Variants in GPM6A observed in about 807,000 individuals in gnomAD.
GPM6A encodes the protein glycoprotein M6A.
A neutral mutation model predicts 32.1 loss-of-function variants in GPM6A; 7 were observed. The observed-to-expected ratio is 0.22, with a 90% CI of 0.12 to 0.41. The LOEUF (loss-of-function observed/expected upper bound fraction) is 0.41, where lower values mean the gene tolerates loss of function less well. Ranked by LOEUF, GPM6A falls within the 10% of genes least tolerant of loss-of-function variation. The probability of loss-of-function intolerance (pLI) is 1.00; values close to 1 mark genes in which losing one functional copy is unlikely to be tolerated. For synonymous variants in GPM6A, 130 were observed against 123.4 expected (o/e 1.05, Z -0.35); for missense variants, 235 against 347.2 (o/e 0.68, Z 2.57).
chr4:175,760,291 C>A (rs1480801210), intron 1 of GPM6A, among the ~76,000 whole-genome samples: 1 of 152,052 alleles, frequency 6.6e-6, no homozygotes, highest in Non-Finnish European at 1.5e-5. Flanking sequence ...TGACAGTTCC[C>A]AAGTGATTCC....
At chr4:175,646,294 T>G (rs2110902584) in intron 4 of GPM6A, among the ~76,000 whole-genome samples, 1 of 152,336 alleles carries the variant, frequency 6.6e-6, no homozygotes, top group South Asian at 2.1e-4. Context: ...AGTTCAGTAA[T>G]TAGCAATGAC....
rs1287169539 is a variant in GPM6A, at chr4:175,640,806, T to C, written c.565A>G (p.Lys189Glu). Residue 189 changes from lysine (K) to glutamate (E), a missense_variant, in exon 5 of 7, where the codon AAG (lysine) becomes GAG (glutamate). Transcript: ENST00000393658. The part of the protein sequence containing the change: ...QFGIVTIGEE[K>E]KICTVSENFL... ...TTCTCAGAGACAGTACAAATTTTCT[T>C]TTCCTCTCCAATTGTCACAATTCCT... 4 of 1,607,892 alleles carry C rather than the reference T, an allele frequency of 2.5e-6. No homozygotes were observed. The highest frequency in any genetic ancestry group is 2.2e-5 in the South Asian group (2 of 90,972).
intron 1 of GPM6A, among the ~76,000 whole-genome samples, chr4:175,868,597 G>T (rs1736811127): frequency 6.6e-6 from 1 of 152,072 alleles, no homozygotes; most frequent in Non-Finnish European, 1.5e-5. Flanking sequence ...AATATGTTGA[G>T]ATCAGTTTCC....
Position 175,915,785 on chromosome 4 carries a change from G to A in GPM6A, c.-23+86524C>T, listed in dbSNP as rs1450992094. 2.0e-5 allele frequency among the ~76,000 whole-genome samples: 3 copies of A among 152,218 alleles called. No individual in the cohort carries two copies. In the East Asian group the frequency reaches 5.8e-4, roughly 29 times the overall value. On this transcript the variant is annotated intron_variant, in intron 1 of 7. Coordinates refer to the GPM6A transcript ENST00000280187. ...AGGGTATGAGAAACCAGACAACGCTGTCTGGTGATATGTTAGTCTTTTTGT... is the reference window on the plus strand; with the variant it reads ...AGGGTATGAGAAACCAGACAACGCTATCTGGTGATATGTTAGTCTTTTTGT...
intron 1 of GPM6A, among the ~76,000 whole-genome samples, chr4:175,708,727 A>G (rs1485240849): frequency 6.6e-6 from 1 of 152,240 alleles, no homozygotes; most frequent in East Asian, 1.9e-4. Flanking sequence ...AGATTGAGAT[A>G]GAGACAAAGG....
chr4:176,001,867 C>T (rs1012880197), intron 1 of GPM6A, among the ~76,000 whole-genome samples: 2 of 152,216 alleles, frequency 1.3e-5, no homozygotes, highest in African/African-American at 4.8e-5. Flanking sequence ...TTTCAACTTG[C>T]TCCCCAAAGA....
chr4:175,644,121 G>GTTT lies in GPM6A; in HGVS notation c.542-3295_542-3293dup, dbSNP rs781755092. 3.8e-3 allele frequency among the ~76,000 whole-genome samples: 418 copies of GTTT among 110,312 alleles called. 3 individuals are homozygous for GTTT. The highest frequency in any genetic ancestry group is 0.01 in the East Asian group (37 of 3,528). 72.4% of individuals were successfully genotyped at this position (110,312 alleles called of 152,430 possible). On this transcript the variant is annotated intron_variant, in intron 4 of 6. Coordinates refer to ENST00000393658, the MANE Select transcript of GPM6A (RefSeq NM_201591.3). ...TTCCTGCTCTAAAACTTTTCCGTTT[G>GTTT]TTTTTTTTTTTTTTTTTTTTGAGAT...
chr4:175,722,796 C>T (rs1234822075), intron 1 of GPM6A, among the ~76,000 whole-genome samples: 1 of 152,112 alleles, frequency 6.6e-6, no homozygotes, highest in Non-Finnish European at 1.5e-5. Context: ...GTAATCCCAG[C>T]CCTTTGGGAG....
chr4:175,711,256 T>G (rs968101733), intron 1 of GPM6A, among the ~76,000 whole-genome samples: 6 of 151,176 alleles, frequency 4.0e-5, no homozygotes, highest in Admixed American at 6.6e-5. Context: ...GGTAATTCAC[T>G]CTTAATTAGA....
chr4:175,863,495 G>GTT (rs79675826), intron 1 of GPM6A, among the ~76,000 whole-genome samples: 1 of 150,546 alleles, frequency 6.6e-6, no homozygotes, highest in African/African-American at 2.4e-5. Context: ...AATGGACTTT[G>GTT]TTTTTTTTTA....
chr4:175,655,320 A>C (rs970849439), intron 3 of GPM6A, among the ~76,000 whole-genome samples: 2 of 152,126 alleles, frequency 1.3e-5, no homozygotes, highest in African/African-American at 4.8e-5. Context: ...GTATTTAAGG[A>C]AGCTAAAATA....
chr4:175,921,864 A>T (rs1402424694), intron 1 of GPM6A, among the ~76,000 whole-genome samples: 1 of 152,166 alleles, frequency 6.6e-6, no homozygotes, highest in Non-Finnish European at 1.5e-5. Context: ...TATTAGCCTT[A>T]TACAGCTGGT....
At chr4:175,710,307 C>A (rs1745457441) in intron 1 of GPM6A, among the ~76,000 whole-genome samples, 1 of 151,878 alleles carries the variant, frequency 6.6e-6, no homozygotes, top group Non-Finnish European at 1.5e-5. Context: ...GGACTTTTCT[C>A]TAATAAAAGT....
intron 3 of GPM6A, among the ~76,000 whole-genome samples, chr4:175,652,338 T>C (rs1741856848): frequency 6.6e-6 from 1 of 152,172 alleles, no homozygotes; most frequent in Admixed American, 6.6e-5. Context: ...GTATTCACTT[T>C]GCAAAAGGAA....
chr4:175,992,630 C>G (rs1447457969), intron 1 of GPM6A, among the ~76,000 whole-genome samples: 2 of 152,104 alleles, frequency 1.3e-5, no homozygotes, highest in Non-Finnish European at 2.9e-5. Flanking sequence ...TCTCCTGACT[C>G]CTAGTGTAGT....
At chr4:175,716,967 C>A (rs950324154) in intron 1 of GPM6A, among the ~76,000 whole-genome samples, 3 of 152,140 alleles carry the variant, frequency 2.0e-5, no homozygotes, top group African/African-American at 7.2e-5. Flanking sequence ...ATCAATTCAG[C>A]AACTGAAGGA....
At chr4:175,939,857 A>G (rs533441303) in intron 1 of GPM6A, among the ~76,000 whole-genome samples, 8,362 of 152,166 alleles carry the variant, frequency 0.055, 714 homozygotes, top group African/African-American at 0.19. Flanking sequence ...TAATAAGCAA[A>G]AAAAAAAACC....
At chr4:175,651,471 C>T (rs1476379285) in intron 4 of GPM6A, among the ~76,000 whole-genome samples, 1 of 151,874 alleles carries the variant, frequency 6.6e-6, no homozygotes. Context: ...GTAGACTTGA[C>T]ATTTTGTGCA....
chr4:175,860,295 C>A (rs1411910880), intron 1 of GPM6A, among the ~76,000 whole-genome samples: 1 of 151,712 alleles, frequency 6.6e-6, no homozygotes, highest in Admixed American at 6.6e-5. Context: ...AATTAACAAA[C>A]TTTAGCCATC....
Sources: allele counts gnomAD v4.1 joint callset (sites outside exome capture counted in the v4.1 genomes callset), GRCh38; gene constraint gnomAD v4.1.1; transcripts MANE v1.5; gene names NCBI Gene and HGNC (gene_info 2026-07-23, HGNC 2026-07-21).